The following GC variants were observed in gnomAD, a reference collection of about 807,000 sequenced individuals.
The protein encoded by GC is GC vitamin D binding protein.
In GC, 43 loss-of-function variants were observed where a neutral mutation model predicts 56.7. The ratio of observed to expected loss-of-function variants is 0.76; its 90% CI spans 0.59 to 0.98. The LOEUF (loss-of-function observed/expected upper bound fraction) is 0.98, where lower values mean the gene tolerates loss of function less well. GC is among the 50% of genes least tolerant of loss of function. The pLI, the probability that GC is intolerant of heterozygous loss-of-function variation, is 0.00. For synonymous variants in GC, 216 were observed against 202.7 expected, an observed-to-expected ratio of 1.07 and a Z score of -0.56; for missense variants, 529 against 545.9, an observed-to-expected ratio of 0.97 and a Z score of 0.31.
chr4:71,770,028 G>A (rs1039802792), intron 1 of GC, among the ~76,000 whole-genome samples: 1 of 152,308 alleles, frequency 6.6e-6, no homozygotes, highest in South Asian at 2.1e-4. Flanking sequence ...TAGACAAAGT[G>A]TGGTGAGTCT....
In GC at chr4:71,741,804, G is replaced by A. The variant is rs908751567; in HGVS notation, c.*92C>T. ...AGAAAGTATCCTAGTTGTCTTCCCA[G>A]AAGCTCAGTGGTTTTGCTTAGGTTA... On this transcript the variant is annotated 3_prime_UTR_variant, in exon 13 of 13. Transcript: ENST00000273951. The A allele has an allele frequency of 1.4e-6, 1 of 702,710 alleles. No homozygotes were observed. The highest frequency in any genetic ancestry group is 2.0e-5 in the Admixed American group (1 of 49,960). 43.5% of individuals were successfully genotyped at this position (702,710 alleles called of 1,614,324 possible). A position where few individuals can be genotyped will look rare whatever the true frequency, so the allele number is the denominator to read the frequency against.
intron 1 of GC, among the ~76,000 whole-genome samples, chr4:71,771,027 A>T (rs190415689): frequency 4.6e-4 from 70 of 152,296 alleles, no homozygotes; most frequent in African/African-American, 1.6e-3. Context: ...TATGCAAATA[A>T]GCCCAGGAAA....
At chr4:71,767,199 A>C (rs1414288303) in intron 3 of GC, among the ~76,000 whole-genome samples, 1 of 152,178 alleles carries the variant, frequency 6.6e-6, no homozygotes, top group African/African-American at 2.4e-5. Flanking sequence ...ATCTATTCTA[A>C]TCAGATCTTT....
chr4:71,766,285 C>T (rs544266685), intron 3 of GC, among the ~76,000 whole-genome samples: 1 of 152,236 alleles, frequency 6.6e-6, no homozygotes, highest in South Asian at 2.1e-4. Flanking sequence ...AAAAATAGGG[C>T]CTGAAAATCT....
chr4:71,768,623 G>A (rs1384679847), intron 2 of GC, among the ~76,000 whole-genome samples, 190 bp from the exon 3 acceptor site: 4 of 151,982 alleles, frequency 2.6e-5, no homozygotes, highest in Non-Finnish European at 5.9e-5. Context: ...GCACCAATAC[G>A]CCCGGCTAAT....
intron 1 of GC, among the ~76,000 whole-genome samples, chr4:71,796,062 C>T (rs529917213): frequency 3.9e-5 from 6 of 152,258 alleles, no homozygotes; most frequent in East Asian, 1.9e-4. Context: ...GTGGGTAACC[C>T]GACCTTTCTC....
At chr4:71,771,509 TCAG>T (rs1395497559) in intron 1 of GC, among the ~76,000 whole-genome samples, 2 of 152,082 alleles carry the variant, frequency 1.3e-5, no homozygotes, top group East Asian at 3.9e-4. Context: ...AAGACATTCT[TCAG>T]CAGCACTTTT....
chr4:71,778,981 A>T (rs1180559308), intron 1 of GC, among the ~76,000 whole-genome samples: 1 of 150,656 alleles, frequency 6.6e-6, no homozygotes, highest in Non-Finnish European at 1.5e-5. Flanking sequence ...TTATGTACAT[A>T]CCTATTTATA....
chr4:71,801,148 C>G (rs934749920), intron 1 of GC, among the ~76,000 whole-genome samples: 3 of 151,964 alleles, frequency 2.0e-5, no homozygotes, highest in African/African-American at 7.3e-5. Context: ...ACAAATAATC[C>G]AAATTTTTAA....
chr4:71,796,238 A>G (rs1743100535), intron 1 of GC, among the ~76,000 whole-genome samples: 1 of 152,170 alleles, frequency 6.6e-6, no homozygotes, highest in Non-Finnish European at 1.5e-5. Flanking sequence ...GTTCTCCTGG[A>G]TAATATCCTT....
upstream of GC, among the ~76,000 whole-genome samples, chr4:71,789,033 C>T (rs918461211): frequency 8.6e-5 from 13 of 151,724 alleles, no homozygotes; most frequent in African/African-American, 3.1e-4. Flanking sequence ...TTTGTAGAAA[C>T]AGGTCTGAAT....
intron 1 of GC, among the ~76,000 whole-genome samples, chr4:71,802,074 T>A (rs2149311649): frequency 6.6e-6 from 1 of 152,316 alleles, no homozygotes; most frequent in East Asian, 1.9e-4. Context: ...TAAAACCCCA[T>A]TATTTCTTGC....
intron 9 of GC, 139 bp downstream of exon 9, chr4:71,754,839 A>G (rs1031203694): frequency 5.0e-6 from 3 of 595,532 alleles, no homozygotes; most frequent in South Asian, 2.5e-5. Context: ...TTTCCCAACA[A>G]TGTAAAAATG....
Position 71,771,303 on chromosome 4 carries a change from G to A in GC, c.59-1903C>T, listed in dbSNP as rs377495297. Among the ~76,000 whole-genome samples, 7 of 152,078 alleles carry A rather than the reference G, an allele frequency of 4.6e-5. No individual in the cohort carries two copies. In the East Asian group the frequency reaches 9.7e-4, roughly 21 times the overall value. On this transcript the variant is annotated intron_variant, in intron 1 of 12. Transcript: ENST00000273951. ...TATTTGATGGCTTGCAGTGGAGGTG[G>A]TGGTGATTAGATACAGACTTGAAAG...
At chr4:71,767,982 G>A (rs2149301632) in intron 3 of GC, among the ~76,000 whole-genome samples, 1 of 152,208 alleles carries the variant, frequency 6.6e-6, no homozygotes, top group South Asian at 2.1e-4. Flanking sequence ...AAGATCAAAT[G>A]TATGGTGATA....
At chr4:71,763,294 GAA>G (rs1742044899) in intron 6 of GC, 112 bp downstream of exon 6, 1 of 463,794 alleles carries the variant, frequency 2.2e-6, no homozygotes, top group African/African-American at 2.0e-5. Context: ...TATTGGAGCT[GAA>G]AAGTCTATTT....
chr4:71,757,213 C>A (rs1741807291), intron 7 of GC, among the ~76,000 whole-genome samples: 1 of 152,086 alleles, frequency 6.6e-6, no homozygotes, highest in Non-Finnish European at 1.5e-5. Flanking sequence ...AAAACCAACA[C>A]AACCTAAATA....
chr4:71,774,056 G>A (rs765121488), intron 1 of GC, among the ~76,000 whole-genome samples: 2 of 151,958 alleles, frequency 1.3e-5, no homozygotes, highest in Non-Finnish European at 2.9e-5. Flanking sequence ...GGTTATAAGA[G>A]ATTTCTGTAT....
In GC at chr4:71,782,739, G is replaced by T. The variant is rs182009382; in HGVS notation, c.58+1222C>A. Among the ~76,000 whole-genome samples the T allele has an allele frequency of 2.5e-3, 378 of 151,864 alleles. 3 individuals carry two copies. The highest frequency in any genetic ancestry group is 8.9e-3 in the African/African-American group (371 of 41,470). ...AGCCATTATTGGACCTTCTGTGTTT[G>T]AAGACCCTGATCTGAACCTGCTTCA... On this transcript the variant is annotated intron_variant, in intron 1 of 12. Coordinates refer to ENST00000273951, the MANE Select transcript of GC (RefSeq NM_000583.4).
Sources: allele counts gnomAD v4.1 joint callset (sites outside exome capture counted in the v4.1 genomes callset), GRCh38; gene constraint gnomAD v4.1.1; transcripts MANE v1.5; gene names NCBI Gene and HGNC (gene_info 2026-07-23, HGNC 2026-07-21).